The following PDE3B variants were observed in gnomAD, a reference collection of about 807,000 sequenced individuals.
PDE3B encodes cGMP-inhibited 3',5'-cyclic phosphodiesterase 3B.
A neutral mutation model predicts 116.8 loss-of-function variants in PDE3B; 66 were observed. The ratio of observed to expected loss-of-function variants is 0.56; its 90% CI spans 0.46 to 0.69. The LOEUF (loss-of-function observed/expected upper bound fraction) is 0.69. Ranked by LOEUF, PDE3B falls within the 30% of genes least tolerant of loss-of-function variation. PDE3B has a pLI of 0.00. For missense variants in PDE3B, 1,384 were observed against 1,368.1 expected, an observed-to-expected ratio of 1.01 and a Z score of -0.18; for synonymous variants, 595 against 533.6, an observed-to-expected ratio of 1.12 and a Z score of -1.59.
chr11:14,682,166 G>A (rs917821438), intron 1 of PDE3B, among the ~76,000 whole-genome samples: 2 of 152,028 alleles, frequency 1.3e-5, no homozygotes, highest in Non-Finnish European at 2.9e-5. Flanking sequence ...TTGGGGAGGC[G>A]GAGGAAGAGG....
At chr11:14,745,899 C>A (rs998315261) in intron 1 of PDE3B, among the ~76,000 whole-genome samples, 30 of 152,128 alleles carry the variant, frequency 2.0e-4, no homozygotes, top group African/African-American at 7.0e-4. Flanking sequence ...TTCCACATCC[C>A]CATTTGCTAT....
At chr11:14,722,563 A>C (rs1856151754) in intron 1 of PDE3B, among the ~76,000 whole-genome samples, 1 of 152,228 alleles carries the variant, frequency 6.6e-6, no homozygotes, top group Admixed American at 6.5e-5. Context: ...TTTTACAAAT[A>C]ATAGAGACAT....
At chr11:14,735,315 T>C (rs1856566934) in intron 1 of PDE3B, among the ~76,000 whole-genome samples, 1 of 152,132 alleles carries the variant, frequency 6.6e-6, no homozygotes, top group Non-Finnish European at 1.5e-5. Flanking sequence ...AAGGGAGAAA[T>C]AAAACCTTTG....
At chr11:14,772,159 T>G in intron 2 of PDE3B, 172 bp downstream of exon 2, 1 of 355,048 alleles carries the variant, frequency 2.8e-6, no homozygotes, top group Admixed American at 4.7e-5. Context: ...GGTAGATTTT[T>G]TAAAAATATA....
At chr11:14,668,477 A>T (rs1338972057) in intron 1 of PDE3B, among the ~76,000 whole-genome samples, 4 of 152,188 alleles carry the variant, frequency 2.6e-5, no homozygotes, top group African/African-American at 9.7e-5. Flanking sequence ...ATATTTTTTA[A>T]TGAATACACT....
chr11:14,824,285 C>G (rs1357588369), intron 7 of PDE3B, among the ~76,000 whole-genome samples: 1 of 152,186 alleles, frequency 6.6e-6, no homozygotes, highest in African/African-American at 2.4e-5. Context: ...AGTTCTTAAC[C>G]AGGCTGAGCT....
At chr11:14,663,040 G>A (rs1322123388) in intron 1 of PDE3B, among the ~76,000 whole-genome samples, 1 of 152,010 alleles carries the variant, frequency 6.6e-6, no homozygotes, top group Non-Finnish European at 1.5e-5. Context: ...AGGAAAAAAT[G>A]TTAAGGGCAG....
the PDE3B span, among the ~76,000 whole-genome samples, chr11:14,895,271 TG>T: frequency 3.3e-5 from 5 of 152,202 alleles, no homozygotes; most frequent in African/African-American, 1.2e-4. Flanking sequence ...TCATCAGAAT[TG>T]AAGGAAGTGA....
intron 1 of PDE3B, among the ~76,000 whole-genome samples, chr11:14,736,485 CAA>C (rs1856605151): frequency 6.6e-6 from 1 of 152,080 alleles, no homozygotes; most frequent in Non-Finnish European, 1.5e-5. Context: ...TTTTTACTGA[CAA>C]GAGTATAACT....
chr11:14,756,751 C>A (rs1246354084), intron 1 of PDE3B, among the ~76,000 whole-genome samples: 4 of 151,768 alleles, frequency 2.6e-5, no homozygotes, highest in African/African-American at 7.3e-5. Context: ...GCAATCTGGA[C>A]TACATATACT....
chr11:14,645,388 T>C (rs983906826), intron 1 of PDE3B, among the ~76,000 whole-genome samples: 2 of 152,186 alleles, frequency 1.3e-5, no homozygotes, highest in African/African-American at 4.8e-5. Context: ...GATTGACTAC[T>C]CCCGCTTTTG....
the PDE3B span, chr11:14,885,889 G>A: frequency 5.0e-6 from 8 of 1,613,500 alleles, no homozygotes; most frequent in Non-Finnish European, 6.8e-6. Context: ...AACCACAGTT[G>A]ATATGCCTCC....
At chr11:14,810,247 A>G (rs1859083812) in intron 5 of PDE3B, among the ~76,000 whole-genome samples, 3 of 151,770 alleles carry the variant, frequency 2.0e-5, no homozygotes, top group Admixed American at 2.0e-4. Context: ...TACATGTGCC[A>G]TGCTGGTGCG....
At chr11:14,713,838 A>G (rs1855785948) in intron 1 of PDE3B, among the ~76,000 whole-genome samples, 1 of 152,218 alleles carries the variant, frequency 6.6e-6, no homozygotes, top group Non-Finnish European at 1.5e-5. Context: ...AAACTATCGT[A>G]TAAGCAGGAT....
chr11:14,797,976 G>C (rs1858609517), intron 4 of PDE3B, among the ~76,000 whole-genome samples: 1 of 152,144 alleles, frequency 6.6e-6, no homozygotes, highest in Non-Finnish European at 1.5e-5. Flanking sequence ...TGATGAATAG[G>C]AGTGGTGAGG....
chr11:14,738,024 A>G (rs1400449202), intron 1 of PDE3B, among the ~76,000 whole-genome samples: 1 of 151,982 alleles, frequency 6.6e-6, no homozygotes, highest in Non-Finnish European at 1.5e-5. Flanking sequence ...ATCATTGTTG[A>G]ACATTTGGGT....
intron 1 of PDE3B, chr11:14,700,894 A>G (rs1291779975): frequency 6.6e-6 from 1 of 151,838 alleles, no homozygotes; most frequent in Admixed American, 6.6e-5. Context: ...TTAGGTATCA[A>G]TTACTACTTG....
intron 12 of PDE3B, among the ~76,000 whole-genome samples, chr11:14,849,350 A>G (rs1847688085): frequency 6.6e-6 from 1 of 151,994 alleles, no homozygotes; most frequent in Admixed American, 6.6e-5. Flanking sequence ...GATGGATTAA[A>G]GACTTAAACG....
chr11:14,752,960 T>C (rs529804249), intron 1 of PDE3B, among the ~76,000 whole-genome samples: 11 of 152,246 alleles, frequency 7.2e-5, no homozygotes, highest in African/African-American at 2.2e-4. Context: ...TTGGGATGCT[T>C]ATTCAGTGAC....
Sources: gnomAD v4.1 joint callset for allele counts (sites outside exome capture counted in the v4.1 genomes callset) on GRCh38, gnomAD v4.1.1 for gene constraint, MANE v1.5 for transcripts, NCBI Gene and HGNC (gene_info 2026-07-23, HGNC 2026-07-21) for gene names.